SLIT3: variants seen among roughly 807,000 people sequenced by gnomAD.
SLIT3 encodes slit homolog 3 protein.
In SLIT3, 68 loss-of-function variants were observed where a neutral mutation model predicts 184.0. The ratio of observed to expected loss-of-function variants is 0.37; its 90% CI spans 0.30 to 0.45. The LOEUF is 0.45. Among genes scored for constraint, SLIT3 ranks in the 20% least tolerant of loss-of-function variants. SLIT3 has a pLI of 1.00. For synonymous variants in SLIT3, 831 were observed against 828.6 expected (o/e 1.00, Z -0.05); for missense variants, 1,707 against 2,026.0 (o/e 0.84, Z 3.02).
chr5:168,773,059 T>A (rs1477954118), intron 13 of SLIT3, 115 bp from the exon 14 acceptor site: 2 of 1,101,428 alleles, frequency 1.8e-6, no homozygotes, highest in East Asian at 5.1e-5. Context: ...GCCTCCTGCC[T>A]CATCGCCCCA....
intron 4 of SLIT3, chr5:169,013,372 A>G (rs1756233217): frequency 1.3e-5 from 2 of 152,216 alleles, no homozygotes; most frequent in South Asian, 4.1e-4. Context: ...AGAGCAGCCC[A>G]TCTCTGTGTC....
rs527420299 is a variant in SLIT3 at position 169,000,564 on chromosome 5, T to C, written c.414-117228A>G. Among the ~76,000 whole-genome samples the C allele has an allele frequency of 9.2e-5, 14 of 152,234 alleles. No homozygotes were observed. In the East Asian group the frequency reaches 2.5e-3, roughly 27 times the overall value. ...CAATAACCTAAAAACAATAATCTTA[T>C]GTAAAACAAAAATTTTACATAAGAA... On this transcript the variant is annotated intron_variant, in intron 4 of 35. Transcript: ENST00000519560.
Position 169,275,010 on chromosome 5 carries a change from C to A in SLIT3, c.198-23551G>T, listed in dbSNP as rs148957582. 3.9e-5 allele frequency among the ~76,000 whole-genome samples: 6 copies of A among 152,336 alleles called. No individual in the cohort carries two copies. In the South Asian group the frequency reaches 1.2e-3, roughly 32 times the overall value. On this transcript the variant is annotated intron_variant, in intron 1 of 35. Coordinates refer to ENST00000519560, the MANE Select transcript of SLIT3 (RefSeq NM_003062.4). ...GATCTATAAACGTTAGCGCTTTGTA[C>A]GGCACACAGCTGATGCTGCCTTAAC...
chr5:169,166,674 C>T (rs1465139554), intron 4 of SLIT3, among the ~76,000 whole-genome samples: 1 of 152,202 alleles, frequency 6.6e-6, no homozygotes, highest in Non-Finnish European at 1.5e-5. Flanking sequence ...CCTAATGCTA[C>T]AGGCCTCATT....
intron 5 of SLIT3, among the ~76,000 whole-genome samples, chr5:168,862,095 T>G (rs947949412): frequency 6.6e-6 from 1 of 152,158 alleles, no homozygotes; most frequent in African/African-American, 2.4e-5. Flanking sequence ...CTATTTATTT[T>G]TCATGTAGCT....
At chr5:168,925,569 C>A (rs1761788620) in intron 4 of SLIT3, among the ~76,000 whole-genome samples, 1 of 151,704 alleles carries the variant, frequency 6.6e-6, no homozygotes. Flanking sequence ...TGGGGACTGT[C>A]ATTTCTAGCA....
At chr5:169,224,223 A>G (rs1227183960) in intron 3 of SLIT3, among the ~76,000 whole-genome samples, 1 of 152,142 alleles carries the variant, frequency 6.6e-6, no homozygotes, top group Admixed American at 6.6e-5. Context: ...CAAGAAATAC[A>G]TATTTGTCAG....
At chr5:168,905,553 C>T (rs898075847) in intron 4 of SLIT3, among the ~76,000 whole-genome samples, 12 of 152,160 alleles carry the variant, frequency 7.9e-5, no homozygotes, top group Admixed American at 4.6e-4. Flanking sequence ...TACACAGACT[C>T]GGAGAGGTGA....
At chr5:169,299,742 A>G (rs867411726) in intron 1 of SLIT3, among the ~76,000 whole-genome samples, 2 of 152,214 alleles carry the variant, frequency 1.3e-5, no homozygotes, top group Non-Finnish European at 2.9e-5. Flanking sequence ...AATCCACCCC[A>G]TTCTCCAAGC....
intron 4 of SLIT3, among the ~76,000 whole-genome samples, chr5:169,044,590 G>A (rs537979014): frequency 4.7e-5 from 7 of 150,198 alleles, no homozygotes; most frequent in South Asian, 2.1e-4. Flanking sequence ...AGGAAGGTGG[G>A]GGGGGGGATG....
chr5:168,690,285 T>C (rs1411305016), intron 29 of SLIT3, among the ~76,000 whole-genome samples: 2 of 152,062 alleles, frequency 1.3e-5, no homozygotes, highest in South Asian at 2.1e-4. Context: ...TGCAGGAGTG[T>C]GCCCACACCT....
intron 3 of SLIT3, among the ~76,000 whole-genome samples, chr5:169,217,315 C>T (rs1193483451): frequency 1.3e-5 from 2 of 152,030 alleles, no homozygotes; most frequent in African/African-American, 2.4e-5. Context: ...AGAATTCACA[C>T]ACTCTCCACT....
chr5:168,825,923 G>T (rs2113675267), intron 6 of SLIT3, among the ~76,000 whole-genome samples: 1 of 152,250 alleles, frequency 6.6e-6, no homozygotes, highest in Admixed American at 6.5e-5. Flanking sequence ...TCCACACTTA[G>T]GGGAAACCAA....
chr5:168,894,730 A>G (rs1272855692), intron 4 of SLIT3, among the ~76,000 whole-genome samples: 5 of 152,330 alleles, frequency 3.3e-5, no homozygotes, highest in South Asian at 2.1e-4. Flanking sequence ...AGAGGGTACA[A>G]TAGATTTGGA....
chr5:168,832,341 GGAA>G (rs1454217715), intron 6 of SLIT3, among the ~76,000 whole-genome samples: 2 of 152,230 alleles, frequency 1.3e-5, no homozygotes, highest in African/African-American at 2.4e-5. Context: ...CAGTAAGAGA[GGAA>G]GAAGAGGGAC....
Position 168,666,291 on chromosome 5 carries a change from AGTT to A in SLIT3, c.*160_*162del. 1.7e-6 allele frequency: 1 copy of A among 576,934 alleles called. No homozygotes were observed. Among genetic ancestry groups the A allele is most frequent in the Non-Finnish European group, 2.8e-6 (1 of 361,206 alleles). The allele number at this position is 576,934 out of a possible 1,614,324, so 35.7% of individuals were successfully genotyped here. On this transcript the variant is annotated 3_prime_UTR_variant, in exon 36 of 36. Coordinates refer to ENST00000519560, the MANE Select transcript of SLIT3 (RefSeq NM_003062.4). Reference sequence around the variant, plus strand: ...ATAGTCACTTTCCATAATAAAAATAAGTTCTATTTTTTGTTTATTTTACAATAT... The same window carrying A: ...ATAGTCACTTTCCATAATAAAAATAACTATTTTTTGTTTATTTTACAATAT...
chr5:168,954,039 T>TG, intron 4 of SLIT3, among the ~76,000 whole-genome samples: 1 of 152,132 alleles, frequency 6.6e-6, no homozygotes, highest in East Asian at 1.9e-4. Flanking sequence ...TCATTTCTGC[T>TG]GGGGGGAAAC....
chr5:168,711,492 A>C (rs1762558216), intron 24 of SLIT3, among the ~76,000 whole-genome samples: 1 of 151,888 alleles, frequency 6.6e-6, no homozygotes. Flanking sequence ...CTTTCATCCC[A>C]GTTGTGACTG....
chr5:169,259,164 C>T (rs1766077415), intron 1 of SLIT3, among the ~76,000 whole-genome samples: 1 of 152,168 alleles, frequency 6.6e-6, no homozygotes, highest in African/African-American at 2.4e-5. Context: ...CCTCCACCTC[C>T]CAGGTTCAAG....
Sources: gnomAD v4.1 joint callset for allele counts (sites outside exome capture counted in the v4.1 genomes callset) on GRCh38, gnomAD v4.1.1 for gene constraint, MANE v1.5 for transcripts, NCBI Gene and HGNC (gene_info 2026-07-23, HGNC 2026-07-21) for gene names.